The following ESR1 variants were observed in gnomAD, a reference collection of about 807,000 sequenced individuals.
ESR1 encodes estrogen receptor.
ESR1 carries 12 observed loss-of-function variants against 52.7 expected under a neutral mutation model. That is an observed-to-expected ratio of 0.23 (90% CI 0.15 to 0.37). The LOEUF (loss-of-function observed/expected upper bound fraction) is 0.37, where lower values mean the gene tolerates loss of function less well. Among genes scored for constraint, ESR1 ranks in the 10% least tolerant of loss-of-function variants. The probability of loss-of-function intolerance (pLI) is 1.00; values close to 1 mark genes in which losing one functional copy is unlikely to be tolerated. For missense variants in ESR1, 584 were observed against 779.7 expected (o/e 0.75, Z 2.99); for synonymous variants, 305 against 316.8 (o/e 0.96, Z 0.39).
intron 1 of ESR1, among the ~76,000 whole-genome samples, chr6:151,666,701 CT>C (rs1777837695): frequency 1.1e-5 from 1 of 86,968 alleles, no homozygotes; most frequent in African/African-American, 8.4e-5. Context: ...CATCCCCCTC[CT>C]CCTCCTCCTC....
chr6:152,107,461 T>G (rs1183393648), downstream of ESR1, among the ~76,000 whole-genome samples: 1 of 152,236 alleles, frequency 6.6e-6, no homozygotes, highest in Non-Finnish European at 1.5e-5. Flanking sequence ...TTTTTAAAAC[T>G]TATTTCTGTC....
chr6:151,827,227 C>G (rs1781646337), intron 1 of ESR1, among the ~76,000 whole-genome samples: 1 of 150,944 alleles, frequency 6.6e-6, no homozygotes, highest in Non-Finnish European at 1.5e-5. Context: ...GCTTGGGAGG[C>G]TGAGATGGGA....
rs543237900 is a variant in ESR1 at position 151,739,304 on chromosome 6, T to C, written c.-71+37299T>C. 2.6e-5 allele frequency among the ~76,000 whole-genome samples: 4 copies of C among 152,334 alleles called. No individual in the cohort carries two copies. The East Asian group carries it at 7.7e-4, about 29-fold the overall frequency. ...AGGTCCCTGGCAAGTAAGGGCTAAATAAACATGGTGTTTCTTGATGTTATG... is the reference window on the plus strand; with the variant it reads ...AGGTCCCTGGCAAGTAAGGGCTAAACAAACATGGTGTTTCTTGATGTTATG... On this transcript the variant is annotated intron_variant, in intron 2 of 2. Coordinates refer to the ESR1 transcript ENST00000404742.
chr6:151,858,706 T>A (rs1342670086), intron 2 of ESR1, among the ~76,000 whole-genome samples: 3 of 152,096 alleles, frequency 2.0e-5, no homozygotes, highest in African/African-American at 7.2e-5. Context: ...TCATTACTGG[T>A]CTGGTGCAAT....
chr6:151,939,772 T>C (rs1030007495), intron 3 of ESR1, among the ~76,000 whole-genome samples: 3 of 152,164 alleles, frequency 2.0e-5, no homozygotes, highest in African/African-American at 7.2e-5. Flanking sequence ...TAATATTTTA[T>C]ATTATTGTTT....
At chr6:151,928,689 T>G (rs529818647) in intron 3 of ESR1, among the ~76,000 whole-genome samples, 4 of 152,016 alleles carry the variant, frequency 2.6e-5, no homozygotes, top group Non-Finnish European at 5.9e-5. Flanking sequence ...ATCTAATATA[T>G]TTACTTAATG....
At chr6:151,978,407 C>G (rs1302973660) in intron 4 of ESR1, among the ~76,000 whole-genome samples, 1 of 151,936 alleles carries the variant, frequency 6.6e-6, no homozygotes, top group Non-Finnish European at 1.5e-5. Flanking sequence ...TAAATTCTAA[C>G]TGGAGTTAAA....
chr6:151,907,324 A>G (rs1308381230), intron 3 of ESR1, among the ~76,000 whole-genome samples: 1 of 152,080 alleles, frequency 6.6e-6, no homozygotes, highest in Non-Finnish European at 1.5e-5. Context: ...TAGTCTTCCT[A>G]CCCATTAACA....
At chr6:151,921,491 A>G (rs1286167695) in intron 3 of ESR1, among the ~76,000 whole-genome samples, 1 of 152,160 alleles carries the variant, frequency 6.6e-6, no homozygotes, top group African/African-American at 2.4e-5. Flanking sequence ...CTAGTTCTAG[A>G]TCTTTGAGGA....
At chr6:151,835,607 G>C (rs1734965737) in intron 1 of ESR1, among the ~76,000 whole-genome samples, 1 of 152,168 alleles carries the variant, frequency 6.6e-6, no homozygotes, top group Non-Finnish European at 1.5e-5. Flanking sequence ...AAATTGTCTG[G>C]AACTAGAGCT....
At chr6:152,087,357 C>CT (rs2049813793) in intron 6 of ESR1, among the ~76,000 whole-genome samples, 1 of 152,146 alleles carries the variant, frequency 6.6e-6, no homozygotes, top group Non-Finnish European at 1.5e-5. Flanking sequence ...CTTTATTCCT[C>CT]TTTATACAAA....
intron 2 of ESR1, among the ~76,000 whole-genome samples, chr6:151,748,046 A>G (rs1333469015): frequency 1.3e-5 from 2 of 152,194 alleles, no homozygotes; most frequent in African/African-American, 2.4e-5. Flanking sequence ...TAGCACTTCC[A>G]GGAACTGCCA....
rs766029929 is a variant in ESR1 at position 152,100,180 on chromosome 6, C to T, written c.*1214C>T. ...CCCTGGGATCCCTGGGGTAGTCCAG[C>T]TCTTCTTCATTTCCCAGCGTGGCCC... On this transcript the variant is annotated 3_prime_UTR_variant, in exon 8 of 8. Transcript: ENST00000206249. 183 of 397,876 alleles carry T rather than the reference C, an allele frequency of 4.6e-4. 1 individual carries two copies. Among genetic ancestry groups the T allele is most frequent in the Non-Finnish European group, 2.2e-4 (49 of 225,866 alleles). The allele number at this position is 397,876 out of a possible 1,614,324, so 24.6% of individuals were successfully genotyped here. A position where few individuals can be genotyped will look rare whatever the true frequency, so the allele number is the denominator to read the frequency against.
chr6:151,886,356 G>C (rs1296698876), intron 3 of ESR1, among the ~76,000 whole-genome samples: 4 of 152,112 alleles, frequency 2.6e-5, no homozygotes, highest in Non-Finnish European at 5.9e-5. Flanking sequence ...AGGACTCTTG[G>C]ACTGACTATT....
chr6:151,888,766 T>C (rs1455219463), intron 3 of ESR1, among the ~76,000 whole-genome samples: 1 of 146,164 alleles, frequency 6.8e-6, no homozygotes, highest in East Asian at 2.3e-4. Flanking sequence ...GGGAAGACTT[T>C]TCAAATTTTC....
intron 1 of ESR1, among the ~76,000 whole-genome samples, chr6:151,838,198 A>G (rs181426546): frequency 6.6e-6 from 1 of 152,182 alleles, no homozygotes; most frequent in Non-Finnish European, 1.5e-5. Context: ...GATGGTACAG[A>G]AAAACAAAGG....
chr6:152,055,372 G>A lies in ESR1; in HGVS notation c.1236-5619G>A, dbSNP rs530484001. Among the ~76,000 whole-genome samples, 53 of 152,202 alleles carry A rather than the reference G, an allele frequency of 3.5e-4. 1 individual carries two copies. Among genetic ancestry groups the A allele is most frequent in the African/African-American group, 8.7e-4 (36 of 41,522 alleles). On this transcript the variant is annotated intron_variant, in intron 5 of 7. Transcript: ENST00000206249. Reference sequence around the variant, plus strand: ...CTGATATTCTTATTTGCCTCTTAGCGCTTCAGCCTTTCCCTCGTGACTTAA... The same window carrying A: ...CTGATATTCTTATTTGCCTCTTAGCACTTCAGCCTTTCCCTCGTGACTTAA...
chr6:152,113,380 G>C (rs910799403), intron 6 of ESR1, among the ~76,000 whole-genome samples: 2 of 152,124 alleles, frequency 1.3e-5, no homozygotes, highest in Non-Finnish European at 2.9e-5. Flanking sequence ...TGCATGGGGC[G>C]GGGGGCACCT....
At chr6:152,128,975 T>TG (rs2054496258) in exon 7 of ESR1, 1 of 152,404 alleles carries the variant, frequency 6.6e-6, no homozygotes, top group South Asian at 2.1e-4. Context: ...AGATTATTTA[T>TG]GTTCCAGTCC....
Sources: gnomAD v4.1 joint callset for allele counts (sites outside exome capture counted in the v4.1 genomes callset) on GRCh38, gnomAD v4.1.1 for gene constraint, MANE v1.5 for transcripts, NCBI Gene and HGNC (gene_info 2026-07-23, HGNC 2026-07-21) for gene names.